ADGRV1: variants seen among roughly 807,000 people sequenced by gnomAD.
ADGRV1 encodes adhesion G protein-coupled receptor V1.
Under a neutral mutation model 596.2 loss-of-function variants are expected in ADGRV1, and 359 were observed. That is an observed-to-expected ratio of 0.60 (90% CI 0.55 to 0.66). The LOEUF (loss-of-function observed/expected upper bound fraction) is 0.66. Ranked by LOEUF, ADGRV1 falls within the 30% of genes least tolerant of loss-of-function variation. The probability of loss-of-function intolerance (pLI) is 0.00; values close to 1 mark genes in which losing one functional copy is unlikely to be tolerated. For missense variants in ADGRV1, 7,274 were observed against 7,575.6 expected (o/e 0.96, Z 1.48); for synonymous variants, 2,681 against 2,679.2 (o/e 1.00, Z -0.02).
intron 50 of ADGRV1, among the ~76,000 whole-genome samples, chr5:90,739,602 A>T (rs1024779157): frequency 2.0e-5 from 3 of 152,194 alleles, no homozygotes; most frequent in East Asian, 1.9e-4. Flanking sequence ...ATCCAGTGAC[A>T]TCTCTGGTTG....
At chr5:90,606,343 G>T (rs1331310772) in intron 1 of ADGRV1, among the ~76,000 whole-genome samples, 2 of 151,990 alleles carry the variant, frequency 1.3e-5, no homozygotes, top group African/African-American at 2.4e-5. Context: ...TTCTTTACTT[G>T]TTTTTTCATT....
At chr5:90,631,306 G>A (rs950911858) in intron 9 of ADGRV1, among the ~76,000 whole-genome samples, 3 of 152,074 alleles carry the variant, frequency 2.0e-5, no homozygotes, top group African/African-American at 7.2e-5. Flanking sequence ...TAGGGTGACC[G>A]TTTTCATTTT....
intron 1 of ADGRV1, among the ~76,000 whole-genome samples, chr5:90,584,949 T>C (rs999545503): frequency 6.6e-6 from 1 of 152,172 alleles, no homozygotes; most frequent in Admixed American, 6.5e-5. Flanking sequence ...TTAATTAAAA[T>C]AATAACAAGC....
chr5:91,121,272 A>G (rs910186676), intron 87 of ADGRV1, among the ~76,000 whole-genome samples: 12 of 152,152 alleles, frequency 7.9e-5, no homozygotes, highest in Admixed American at 2.0e-4. Context: ...AAATAAATCA[A>G]AAGTAGAGGT....
intron 85 of ADGRV1, among the ~76,000 whole-genome samples, chr5:91,027,265 ATGGT>A (rs1444260284): frequency 6.6e-6 from 1 of 151,888 alleles, no homozygotes; most frequent in Non-Finnish European, 1.5e-5. Context: ...GGACTAAACA[ATGGT>A]TGCTAACCTC....
At position 90,728,738 on chromosome 5, in the gene ADGRV1, G is replaced by A; in HGVS notation, c.10231G>A (p.Ala3411Thr). Residue 3411 changes from alanine (A) to threonine (T), a missense_variant, in exon 49 of 90, where the codon GCC (alanine) becomes ACC (threonine). Coordinates refer to ENST00000405460, the MANE Select transcript of ADGRV1 (RefSeq NM_032119.4). ...KLPVRGVLTV[A>T]LFNKGGSVFL... ...CCCTGTCCGAGGTGTGCTGACCGTGGCCTTGTTCAACAAGGGAGGCTCTGT... is the reference window on the plus strand; with the variant it reads ...CCCTGTCCGAGGTGTGCTGACCGTGACCTTGTTCAACAAGGGAGGCTCTGT... 1.2e-6 allele frequency: 2 copies of A among 1,613,846 alleles called. No individual in the cohort carries two copies. The highest frequency in any genetic ancestry group is 8.5e-7 in the Non-Finnish European group (1 of 1,179,756).
Position 91,072,503 on chromosome 5 carries a change from C to T in ADGRV1, c.18209C>T (p.Thr6070Met), listed in dbSNP as rs776008411. The stretch of plus-strand genomic sequence containing the variant: ...TTCACTGCAGCTCTTGTTCCTTTGA[C>T]GTGCCTCGTGGTGGTGTTCGTGGTG... ...ALFTAALVPL[T>M]CLVVVFVVFI... Residue 6070 changes from threonine (T) to methionine (M), a missense_variant, in exon 86 of 90, where the codon ACG becomes ATG. Transcript: ENST00000405460. The T allele has an allele frequency of 2.3e-5, 37 of 1,613,620 alleles. No individual in the cohort carries two copies. The highest frequency in any genetic ancestry group is 2.1e-4 in the African/African-American group (16 of 74,908).
chr5:90,625,513 T>G lies in ADGRV1; in HGVS notation c.672+270T>G, dbSNP rs774637623. The G allele has an allele frequency of 6.6e-4, 180 of 274,334 alleles. 1 individual carries two copies. Among genetic ancestry groups the G allele is most frequent in the Non-Finnish European group, 1.1e-3 (157 of 147,578 alleles). The allele number at this position is 274,334 out of a possible 1,614,324, so 17.0% of individuals were successfully genotyped here. A position where few individuals can be genotyped will look rare whatever the true frequency, so the allele number is the denominator to read the frequency against. On this transcript the variant is annotated intron_variant, in intron 6 of 89. Coordinates refer to ENST00000405460, the MANE Select transcript of ADGRV1 (RefSeq NM_032119.4). ...AATCAATTTTTGTTAGTGCTTTCAA[T>G]TTTGAGCAAGAACAATACTAACCTA...
chr5:90,636,136 C>T (rs1026038210), intron 10 of ADGRV1, among the ~76,000 whole-genome samples: 1 of 151,964 alleles, frequency 6.6e-6, no homozygotes, highest in African/African-American at 2.4e-5. Flanking sequence ...CGTTCACATG[C>T]ACAGCACCCC....
At chr5:91,150,975 A>G (rs1376604798) in intron 88 of ADGRV1, among the ~76,000 whole-genome samples, 1 of 152,200 alleles carries the variant, frequency 6.6e-6, no homozygotes, top group East Asian at 1.9e-4. Context: ...GCCTCTAAAA[A>G]TTTCTGCAGT....
At chr5:90,572,211 G>T (rs1213930550) in intron 1 of ADGRV1, among the ~76,000 whole-genome samples, 1 of 152,094 alleles carries the variant, frequency 6.6e-6, no homozygotes, top group African/African-American at 2.4e-5. Flanking sequence ...ATTAATAAAG[G>T]CAATAACAGT....
chr5:90,942,104 C>G (rs1009702647), intron 83 of ADGRV1, among the ~76,000 whole-genome samples: 6 of 152,202 alleles, frequency 3.9e-5, no homozygotes, highest in African/African-American at 1.4e-4. Context: ...TAACTAGCCA[C>G]TTTTTCTTAG....
At position 90,940,185 on chromosome 5, in the gene ADGRV1, C is replaced by T. The variant is rs555841188; in HGVS notation, c.17857-25230C>T. ...CAGGCTAAGAATCTACCTCCCCTCA[C>T]TGACTGTCTTTTGAGGACTTGGATA... On this transcript the variant is annotated intron_variant, in intron 83 of 89. Transcript: ENST00000405460. 7.9e-5 allele frequency among the ~76,000 whole-genome samples: 12 copies of T among 152,346 alleles called. No homozygotes were observed. In the South Asian group the frequency reaches 2.5e-3, roughly 32 times the overall value.
Position 90,691,610 on chromosome 5 carries a change from C to T in ADGRV1, c.6951+569C>T, listed in dbSNP as rs139072524. ...GTGTTGGCTAGGCTGGTCTCGAACT[C>T]CTGACCTCAGGTGATCCACCTGCCT... is the stretch of plus-strand genomic sequence containing the variant. On this transcript the variant is annotated intron_variant, in intron 31 of 89. Transcript: ENST00000405460. 2.6e-5 allele frequency among the ~76,000 whole-genome samples: 4 copies of T among 152,106 alleles called. No homozygotes were observed. In the South Asian group the frequency reaches 6.2e-4, roughly 24 times the overall value.
At chr5:90,700,568 G>T (rs1346458704) in intron 34 of ADGRV1, among the ~76,000 whole-genome samples, 1 of 152,088 alleles carries the variant, frequency 6.6e-6, no homozygotes, top group Non-Finnish European at 1.5e-5. Flanking sequence ...ATCTGTGCTA[G>T]GTGTTTCTCT....
intron 83 of ADGRV1, among the ~76,000 whole-genome samples, chr5:90,874,005 A>G (rs778012460): frequency 2.4e-4 from 36 of 152,080 alleles, no homozygotes; most frequent in Admixed American, 8.5e-4. Context: ...CTGTTCTCTC[A>G]GCAGCAGGAG....
At chr5:90,589,892 A>G (rs1561338657) in intron 1 of ADGRV1, among the ~76,000 whole-genome samples, 1 of 151,750 alleles carries the variant, frequency 6.6e-6, no homozygotes, top group Non-Finnish European at 1.5e-5. Context: ...TTACTGAAAA[A>G]CTCTGTACCT....
chr5:90,793,897 C>T (rs867775109), intron 70 of ADGRV1, among the ~76,000 whole-genome samples: 6 of 152,136 alleles, frequency 3.9e-5, no homozygotes, highest in Non-Finnish European at 7.3e-5. Context: ...CTGGCACATT[C>T]CAGGATTGTG....
chr5:90,647,495 C>G lies in ADGRV1; in HGVS notation c.3023-3C>G. 6.2e-7 allele frequency: 1 copy of G among 1,602,214 alleles called. No homozygotes were observed. The highest frequency in any genetic ancestry group is 8.5e-7 in the Non-Finnish European group (1 of 1,174,062). ...ATGTGTTCTTTCTTTGTGGATATTT[C>G]AGAACCTCGTGTAGTGAGGGTTCAG... On this transcript the variant is annotated splice_region_variant and splice_polypyrimidine_tract_variant and intron_variant, in intron 16 of 89. Transcript: ENST00000405460.
Sources: gnomAD v4.1 joint callset for allele counts (sites outside exome capture counted in the v4.1 genomes callset) on GRCh38, gnomAD v4.1.1 for gene constraint, MANE v1.5 for transcripts, NCBI Gene and HGNC (gene_info 2026-07-23, HGNC 2026-07-21) for gene names.